STAB2: variants seen among roughly 807,000 people sequenced by gnomAD.
STAB2 encodes stabilin-2.
In STAB2, 288 loss-of-function variants were observed where a neutral mutation model predicts 338.1. The observed-to-expected ratio is 0.85, with a 90% CI of 0.77 to 0.94. The LOEUF is 0.94. Ranked by LOEUF, STAB2 falls within the 40% of genes least tolerant of loss-of-function variation. The pLI is 0.00. For missense variants in STAB2, 3,141 were observed against 3,210.1 expected (o/e 0.98, Z 0.52); for synonymous variants, 1,202 against 1,193.3 (o/e 1.01, Z -0.15).
chr12:103,668,489 G>A (rs936605352), intron 19 of STAB2, 154 bp from the exon 20 acceptor site: 1 of 664,148 alleles, frequency 1.5e-6, no homozygotes, highest in East Asian at 2.9e-5. Flanking sequence ...TCCAAGCTCT[G>A]ATGTAGACCC....
In STAB2 at chr12:103,655,243, C is replaced by A. The variant is rs1565987926; in HGVS notation, c.1552-8C>A. ...TTCCTGATTTTTAAGCAAAATGTCT[C>A]TTTTTAGCAAACCATAATGACAATG... On this transcript the variant is annotated splice_polypyrimidine_tract_variant and splice_region_variant and intron_variant, in intron 13 of 68. Transcript: ENST00000388887. 3 of 1,608,756 alleles carry A rather than the reference C, an allele frequency of 1.9e-6. No homozygotes were observed. Among genetic ancestry groups the A allele is most frequent in the Non-Finnish European group, 1.7e-6 (2 of 1,178,348 alleles).
At chr12:103,685,188 A>G in intron 27 of STAB2, 104 bp downstream of exon 27, 1 of 1,082,336 alleles carries the variant, frequency 9.2e-7, no homozygotes. Context: ...TTGCTGCAGG[A>G]GATTTTACAT....
intron 21 of STAB2, 48 bp downstream of exon 21, chr12:103,669,675 T>C: frequency 6.4e-7 from 1 of 1,560,978 alleles, no homozygotes. Context: ...AACAATAATT[T>C]TTAGAACTTC....
chr12:103,610,130 A>T (rs1957098907), intron 3 of STAB2, among the ~76,000 whole-genome samples: 1 of 151,576 alleles, frequency 6.6e-6, no homozygotes, highest in African/African-American at 2.4e-5. Flanking sequence ...TTCATCAGGG[A>T]TATTGGTCTA....
intron 5 of STAB2, among the ~76,000 whole-genome samples, chr12:103,626,995 G>C (rs968860470): frequency 3.3e-5 from 5 of 152,192 alleles, no homozygotes; most frequent in African/African-American, 1.2e-4. Context: ...GTTAAGAAGA[G>C]TCACTAGTAT....
At chr12:103,685,131 A>G in intron 27 of STAB2, 47 bp downstream of exon 27, 1 of 1,566,210 alleles carries the variant, frequency 6.4e-7, no homozygotes, top group Non-Finnish European at 8.8e-7. Flanking sequence ...AACCCTTTAA[A>G]AACCTCTTAG....
chr12:103,707,913 T>A (rs1333050402), intron 38 of STAB2, among the ~76,000 whole-genome samples: 2 of 152,208 alleles, frequency 1.3e-5, no homozygotes, highest in Non-Finnish European at 2.9e-5. Flanking sequence ...AAAATGGGAT[T>A]TGTAGATGAC....
At chr12:103,735,675 T>C in intron 52 of STAB2, 95 bp downstream of exon 52, 1 of 1,054,024 alleles carries the variant, frequency 9.5e-7, no homozygotes, top group Non-Finnish European at 1.3e-6. Context: ...TGTTCATTTT[T>C]TCCCCTCCAT....
At chr12:103,679,784 C>T (rs1033579168) in intron 25 of STAB2, among the ~76,000 whole-genome samples, 1 of 152,158 alleles carries the variant, frequency 6.6e-6, no homozygotes, top group African/African-American at 2.4e-5. Context: ...TGGGTATACA[C>T]CCAAAAGAAT....
At position 103,749,841 on chromosome 12, in the gene STAB2, C is replaced by CAAAAAAAAAAAA. The variant is rs369556936; in HGVS notation, c.6438+705_6439-707dup. 2.0e-3 allele frequency among the ~76,000 whole-genome samples: 102 copies of CAAAAAAAAAAAA among 51,162 alleles called. 8 individuals are homozygous for CAAAAAAAAAAAA. Among genetic ancestry groups the CAAAAAAAAAAAA allele is most frequent in the Non-Finnish European group, 3.0e-3 (84 of 28,378 alleles). 33.6% of individuals were successfully genotyped at this position (51,162 alleles called of 152,430 possible). A position where few individuals can be genotyped will look rare whatever the true frequency, so the allele number is the denominator to read the frequency against. ...GGTGACAGAGCAAGACTCTGTCTCA[C>CAAAAAAAAAAAA]AAAAAAAAAAAAAAAAAAAAAAAAA... is the stretch of plus-strand genomic sequence containing the variant. On this transcript the variant is annotated intron_variant, in intron 59 of 68. Transcript: ENST00000388887.
chr12:103,617,304 T>C (rs531813111), intron 3 of STAB2, among the ~76,000 whole-genome samples: 16 of 152,210 alleles, frequency 1.1e-4, no homozygotes, highest in Admixed American at 5.9e-4. Context: ...TCAAAGATCT[T>C]AGATGGTCGG....
At chr12:103,626,310 C>T (rs113398682) in intron 5 of STAB2, among the ~76,000 whole-genome samples, 12 of 152,130 alleles carry the variant, frequency 7.9e-5, no homozygotes, top group East Asian at 7.7e-4. Context: ...ACATGTGGCT[C>T]GTGGCTACCA....
chr12:103,756,978 T>G (rs1327277112), intron 63 of STAB2, among the ~76,000 whole-genome samples: 1 of 116,958 alleles, frequency 8.6e-6, no homozygotes, highest in Admixed American at 9.9e-5. Context: ...TGGGCCTCAG[T>G]AGCCCAGAAG....
chr12:103,650,628 A>G (rs753709303), intron 11 of STAB2, 50 bp downstream of exon 11: 1 of 1,447,478 alleles, frequency 6.9e-7, no homozygotes, highest in Admixed American at 1.8e-5. Context: ...GAAAAGCCTT[A>G]GTAGGGAGTA....
chr12:103,693,593 G>A (rs1184872428), intron 31 of STAB2, among the ~76,000 whole-genome samples: 1 of 152,156 alleles, frequency 6.6e-6, no homozygotes, highest in Non-Finnish European at 1.5e-5. Context: ...AAAAGATGAG[G>A]TAGGGAAGGC....
rs547322415 is a variant in STAB2, at chr12:103,662,713, A to G, written c.1870-133A>G. 1,194 of 1,008,330 alleles carry G rather than the reference A, an allele frequency of 1.2e-3. 5 individuals are homozygous for G. In the Middle Eastern group the frequency reaches 0.015, roughly 12 times the overall value. The allele number at this position is 1,008,330 out of a possible 1,614,324, so 62.5% of individuals were successfully genotyped here. A position where few individuals can be genotyped will look rare whatever the true frequency, so the allele number is the denominator to read the frequency against. On this transcript the variant is annotated intron_variant, in intron 17 of 68. Transcript: ENST00000388887. ...AGCCAAACCCTTATAATAGCAACCT[A>G]CCCTCCAATGAAAAGTTAAGTGATG...
chr12:103,722,997 A>G (rs1880887664), intron 44 of STAB2, among the ~76,000 whole-genome samples: 1 of 152,200 alleles, frequency 6.6e-6, no homozygotes, highest in South Asian at 2.1e-4. Flanking sequence ...AGTTGTTAGT[A>G]CACTTGTTAA....
intron 39 of STAB2, chr12:103,711,174 T>C (rs555244044): frequency 3.6e-4 from 153 of 422,572 alleles, no homozygotes; most frequent in Middle Eastern, 1.9e-3. Flanking sequence ...ACCCAGACCA[T>C]AAGAGCACAT....
chr12:103,726,807 T>C lies in STAB2; in HGVS notation c.4852-460T>C, dbSNP rs368443276. On this transcript the variant is annotated intron_variant, in intron 46 of 68. Coordinates refer to ENST00000388887, the MANE Select transcript of STAB2 (RefSeq NM_017564.10). Reference sequence around the variant, plus strand: ...AGAAATAAGATTTTAATAAAATCATTAAAAACTAGAAGAAAATATGCTCAT... The same window carrying C: ...AGAAATAAGATTTTAATAAAATCATCAAAAACTAGAAGAAAATATGCTCAT... Among the ~76,000 whole-genome samples, 73 of 152,262 alleles carry C rather than the reference T, an allele frequency of 4.8e-4. 1 individual carries two copies. The South Asian group carries it at 0.015, about 30-fold the overall frequency.
Sources: gnomAD v4.1 joint callset for allele counts (sites outside exome capture counted in the v4.1 genomes callset) on GRCh38, gnomAD v4.1.1 for gene constraint, MANE v1.5 for transcripts, NCBI Gene and HGNC (gene_info 2026-07-23, HGNC 2026-07-21) for gene names.